Variants in RHEB observed in about 807,000 individuals in gnomAD.
RHEB encodes Ras homolog, mTORC1 binding, also known as GTP-binding protein Rheb.
In RHEB, 2 loss-of-function variants were observed where a neutral mutation model predicts 28.8. That is an observed-to-expected ratio of 0.07 (90% CI 0.03 to 0.22). The LOEUF is 0.22. Among genes scored for constraint, RHEB ranks in the 10% least tolerant of loss-of-function variants. RHEB has a pLI of 1.00. For missense variants in RHEB, 76 were observed against 219.9 expected (o/e 0.35, Z 4.14); for synonymous variants, 69 against 77.3 (o/e 0.89, Z 0.56).
At chr7:151,512,536 C>A (rs1325206906) in intron 1 of RHEB, among the ~76,000 whole-genome samples, 1 of 152,196 alleles carries the variant, frequency 6.6e-6, no homozygotes, top group African/African-American at 2.4e-5. Flanking sequence ...AATAGGCACA[C>A]AGATATCATA....
intron 1 of RHEB, among the ~76,000 whole-genome samples, chr7:151,517,186 G>A (rs1803096270): frequency 6.6e-6 from 1 of 152,062 alleles, no homozygotes; most frequent in Non-Finnish European, 1.5e-5. Flanking sequence ...GTTTGGCCAA[G>A]TGGTGAAACC....
rs978893393 is a variant in RHEB at position 151,473,755 on chromosome 7, CT to C, written c.276-2151del. On this transcript the variant is annotated intron_variant, in intron 4 of 7. Transcript: ENST00000262187. ...ACAGCCCCATTTGTTCCCAAACCCA[CT>C]TATGCCAGTTAAATTCATCATAGTC... Among the ~76,000 whole-genome samples, 3 of 150,530 alleles carry C rather than the reference CT, an allele frequency of 2.0e-5. No individual in the cohort carries two copies. In the Admixed American group the frequency reaches 2.0e-4, roughly 10 times the overall value.
chr7:151,513,635 C>G (rs138600461), intron 1 of RHEB, among the ~76,000 whole-genome samples: 1 of 152,182 alleles, frequency 6.6e-6, no homozygotes, highest in Admixed American at 6.5e-5. Flanking sequence ...AGCAGACCTG[C>G]GGAGTTGGGC....
At chr7:151,512,722 A>G (rs1803012869) in intron 1 of RHEB, among the ~76,000 whole-genome samples, 1 of 152,226 alleles carries the variant, frequency 6.6e-6, no homozygotes, top group African/African-American at 2.4e-5. Flanking sequence ...AGTCACTGTC[A>G]ATTCGATTTT....
At chr7:151,503,655 C>T (rs184914478) in intron 1 of RHEB, among the ~76,000 whole-genome samples, 9 of 152,104 alleles carry the variant, frequency 5.9e-5, no homozygotes, top group African/African-American at 2.2e-4. Flanking sequence ...ATGGTGTCAG[C>T]GCAGCAGCCT....
At chr7:151,499,644 A>G (rs977296360) in intron 1 of RHEB, among the ~76,000 whole-genome samples, 1 of 152,216 alleles carries the variant, frequency 6.6e-6, no homozygotes, top group Non-Finnish European at 1.5e-5. Flanking sequence ...CCAAATTATG[A>G]TCAACACCTT....
chr7:151,487,966 C>T (rs544063444), intron 2 of RHEB, among the ~76,000 whole-genome samples: 3 of 152,316 alleles, frequency 2.0e-5, no homozygotes, highest in African/African-American at 7.2e-5. Context: ...CATTCATACC[C>T]TACTGAGAAG....
rs749780111 is a variant in RHEB, at chr7:151,490,962, G to A, written c.105C>T (p.Tyr35=). The change falls in exon 2 of 8, where the codon TAC becomes TAT. Residue 35 remains tyrosine (Y), a synonymous_variant. Transcript: ENST00000262187. ...ACTTACTGTTTTCTATGGTTGGATC[G>A]TAGGAGTCCACAAATTGGCCTTCAA... ...QFVEGQFVDS[Y]DPTIENTFTK... is the part of the protein sequence containing the mutation. The A allele has an allele frequency of 2.7e-5, 43 of 1,611,580 alleles. No individual in the cohort carries two copies. Among genetic ancestry groups the A allele is most frequent in the South Asian group, 5.5e-5 (5 of 91,010 alleles).
intron 1 of RHEB, among the ~76,000 whole-genome samples, chr7:151,496,730 T>A (rs557150372): frequency 5.3e-5 from 8 of 152,132 alleles, no homozygotes; most frequent in Non-Finnish European, 7.4e-5. Flanking sequence ...AAGTCTCCAA[T>A]TTCCCTTCTG....
At chr7:151,477,868 C>T (rs1373497875) in intron 3 of RHEB, among the ~76,000 whole-genome samples, 1 of 151,978 alleles carries the variant, frequency 6.6e-6, no homozygotes, top group South Asian at 2.1e-4. Flanking sequence ...ATGACCTGAG[C>T]TTCAGTCTAC....
chr7:151,477,344 T>G lies in RHEB; in HGVS notation c.264A>C (p.Thr88=). 6.4e-7 allele frequency: 1 copy of G among 1,564,356 alleles called. No individual in the cohort carries two copies. Among genetic ancestry groups the G allele is most frequent in the Non-Finnish European group, 8.8e-7 (1 of 1,139,118 alleles). The change falls in exon 4 of 8, where the codon ACA becomes ACC. Residue 88 remains threonine (T), a synonymous_variant. Coordinates refer to ENST00000262187, the MANE Select transcript of RHEB (RefSeq NM_005614.4). ...INGYILVYSV[T]SIKSFEVIKV... ...AGCAGGAGTCTTACCTTTTGATTGATGTAACAGAATACACAAGAATATAGC... is the reference window on the plus strand; with the variant it reads ...AGCAGGAGTCTTACCTTTTGATTGAGGTAACAGAATACACAAGAATATAGC...
intron 1 of RHEB, among the ~76,000 whole-genome samples, chr7:151,508,787 G>C (rs979405584): frequency 1.3e-5 from 2 of 151,962 alleles, no homozygotes; most frequent in Non-Finnish European, 2.9e-5. Context: ...ACTGCACCAG[G>C]CCAGATTGTT....
chr7:151,470,406 T>C (rs1802141466), intron 7 of RHEB, 165 bp downstream of exon 7: 1 of 521,588 alleles, frequency 1.9e-6, no homozygotes, highest in East Asian at 3.2e-5. Context: ...TATAAACACC[T>C]AAGTAGTATC....
intron 1 of RHEB, chr7:151,502,379 G>A (rs1802788483): frequency 2.5e-6 from 2 of 810,426 alleles, no homozygotes; most frequent in East Asian, 2.4e-5. Context: ...TAAGGCAGGA[G>A]TAAACCGCCA....
rs980913575 is a variant in RHEB, at chr7:151,472,998, G to A, written c.276-1393C>T. ...GGGCAAAAATACAGTACCCTGTCAC[G>A]TGAGAAACAGCTGAAAGAACTAGGA... is the stretch of plus-strand genomic sequence containing the variant. On this transcript the variant is annotated intron_variant, in intron 4 of 7. Coordinates refer to ENST00000262187, the MANE Select transcript of RHEB (RefSeq NM_005614.4). This position sits in a 1 kb window ranked among gnomAD's most constrained non-coding sequence, Gnocchi z 5.2. Among the ~76,000 whole-genome samples, 8 of 152,184 alleles carry A rather than the reference G, an allele frequency of 5.3e-5. No homozygotes were observed. Among genetic ancestry groups the A allele is most frequent in the Admixed American group, 2.0e-4 (3 of 15,284 alleles).
At chr7:151,497,473 G>A (rs1802694229) in intron 1 of RHEB, among the ~76,000 whole-genome samples, 1 of 152,184 alleles carries the variant, frequency 6.6e-6, no homozygotes, top group Non-Finnish European at 1.5e-5. Context: ...CGCCTCCAGA[G>A]TGTTCCCTAA....
Position 151,470,628 on chromosome 7 carries a change from T to C in RHEB, c.405A>G (p.Lys135=). The change falls in exon 7 of 8, where the codon AAA becomes AAG. Residue 135 remains lysine, a synonymous_variant. Coordinates refer to ENST00000262187, the MANE Select transcript of RHEB (RefSeq NM_005614.4). ...CTGCATTCCAAGATTCTGCCAAAGC[T>C]TTCCCTTCTTCATAACTGATCACCC... ...MERVISYEEG[K]ALAESWNAAF... 6.2e-7 allele frequency: 1 copy of C among 1,612,980 alleles called. No homozygotes were observed. Among genetic ancestry groups the C allele is most frequent in the Non-Finnish European group, 8.5e-7 (1 of 1,179,054 alleles).
chr7:151,493,877 G>GA (rs1563097002), intron 1 of RHEB, among the ~76,000 whole-genome samples: 1 of 151,566 alleles, frequency 6.6e-6, no homozygotes. Context: ...TATTGAAACT[G>GA]AAAAATTAGA....
rs1802058729 is a variant in RHEB at position 151,466,276 on chromosome 7, G to A, written c.*843C>T. On this transcript the variant is annotated 3_prime_UTR_variant, in exon 8 of 8. Coordinates refer to ENST00000262187, the MANE Select transcript of RHEB (RefSeq NM_005614.4). ...TCTGACACAGAACACTAAACTCCAG[G>A]GTGTTCTAGGACAGTGACAGGCAAG... The A allele has an allele frequency of 6.6e-6, 1 of 152,164 alleles. No homozygotes were observed. The highest frequency in any genetic ancestry group is 2.4e-5 in the African/African-American group (1 of 41,424). The allele number at this position is 152,164 out of a possible 1,614,324, so 9.4% of individuals were successfully genotyped here.
Sources: gnomAD v4.1 joint callset for allele counts (sites outside exome capture counted in the v4.1 genomes callset) on GRCh38, gnomAD v4.1.1 for gene constraint, Gnocchi (gnomAD v3.1) non-coding constraint, MANE v1.5 for transcripts, NCBI Gene and HGNC (gene_info 2026-07-23, HGNC 2026-07-21) for gene names.